Variants in ATP9B observed in about 807,000 individuals in gnomAD.
The protein encoded by ATP9B is probable phospholipid-transporting ATPase IIB.
In ATP9B, 110 loss-of-function variants were observed where a neutral mutation model predicts 146.1. The observed-to-expected ratio is 0.75, with a 90% CI of 0.65 to 0.88. The LOEUF (loss-of-function observed/expected upper bound fraction) is 0.88. Ranked by LOEUF, ATP9B falls within the 40% of genes least tolerant of loss-of-function variation. ATP9B has a pLI of 0.00. For missense variants in ATP9B, 1,499 were observed against 1,496.4 expected, an observed-to-expected ratio of 1.00 and a Z score of -0.03; for synonymous variants, 604 against 569.7, an observed-to-expected ratio of 1.06 and a Z score of -0.86.
intron 5 of ATP9B, among the ~76,000 whole-genome samples, chr18:79,141,248 A>G (rs2094510051): frequency 6.6e-6 from 1 of 152,138 alleles, no homozygotes; most frequent in Non-Finnish European, 1.5e-5. Flanking sequence ...CACCATGTGA[A>G]GAAGGACGTG....
intron 12 of ATP9B, among the ~76,000 whole-genome samples, chr18:79,259,815 G>A (rs1217869067): frequency 1.3e-5 from 2 of 152,130 alleles, no homozygotes; most frequent in Non-Finnish European, 2.9e-5. Flanking sequence ...GTTACTTTTC[G>A]GTTAGGTACC....
In ATP9B at chr18:79,277,213, G is replaced by C; in HGVS notation, c.1411+17G>C. On this transcript the variant is annotated intron_variant, in intron 13 of 29. Coordinates refer to ENST00000426216, the MANE Select transcript of ATP9B (RefSeq NM_198531.5). ...ACAAAACAGGTACTGTTCGTGGTCTGTGTTCACCTTTGAATGGACAAAATG... is the reference window on the plus strand; with the variant it reads ...ACAAAACAGGTACTGTTCGTGGTCTCTGTTCACCTTTGAATGGACAAAATG... 1.2e-6 allele frequency: 2 copies of C among 1,613,864 alleles called. No individual in the cohort carries two copies. Among genetic ancestry groups the C allele is most frequent in the Non-Finnish European group, 1.7e-6 (2 of 1,179,734 alleles).
At chr18:79,247,311 A>G (rs2095977582) in intron 11 of ATP9B, among the ~76,000 whole-genome samples, 2 of 152,246 alleles carry the variant, frequency 1.3e-5, no homozygotes, top group African/African-American at 2.4e-5. Flanking sequence ...TGAGATGTGT[A>G]TATGTGTATA....
At chr18:79,352,077 G>A (rs1222982386) in intron 25 of ATP9B, among the ~76,000 whole-genome samples, 1 of 152,194 alleles carries the variant, frequency 6.6e-6, no homozygotes, top group African/African-American at 2.4e-5. Context: ...CATGTTCCAC[G>A]AAAATGCTTT....
At chr18:79,168,058 T>A (rs887650114) in intron 7 of ATP9B, among the ~76,000 whole-genome samples, 4 of 152,218 alleles carry the variant, frequency 2.6e-5, no homozygotes, top group Non-Finnish European at 4.4e-5. Flanking sequence ...ATGGGGATCC[T>A]GCCAGCTCCA....
At chr18:79,083,439 G>A (rs956825809) in intron 1 of ATP9B, among the ~76,000 whole-genome samples, 2 of 152,130 alleles carry the variant, frequency 1.3e-5, no homozygotes, top group African/African-American at 4.8e-5. Flanking sequence ...GGCATTCCAG[G>A]CGCCACTGGG....
At chr18:79,341,272 G>A (rs1332014714) in intron 19 of ATP9B, among the ~76,000 whole-genome samples, 3 of 141,262 alleles carry the variant, frequency 2.1e-5, no homozygotes, top group Admixed American at 7.2e-5. Flanking sequence ...GCGTGACCTC[G>A]TCGAAGTCTG....
Position 79,196,631 on chromosome 18 carries a change from C to A in ATP9B, c.954+3368C>A, listed in dbSNP as rs189961400. On this transcript the variant is annotated intron_variant, in intron 9 of 29. Coordinates refer to ENST00000426216, the MANE Select transcript of ATP9B (RefSeq NM_198531.5). Reference sequence around the variant, plus strand: ...ATGGTAGTGACCAGAAAATACACACCTCACCAAAAAATAAATTTGGTTTTA... The same window carrying A: ...ATGGTAGTGACCAGAAAATACACACATCACCAAAAAATAAATTTGGTTTTA... Among the ~76,000 whole-genome samples the A allele has an allele frequency of 6.1e-4, 93 of 152,194 alleles. No individual in the cohort carries two copies. The Middle Eastern group carries it at 0.027, about 45-fold the overall frequency.
intron 2 of ATP9B, among the ~76,000 whole-genome samples, chr18:79,104,381 G>A (rs1207963488): frequency 6.6e-6 from 1 of 152,154 alleles, no homozygotes; most frequent in African/African-American, 2.4e-5. Context: ...AGTGTTCATG[G>A]TGGGGACTCT....
intron 12 of ATP9B, among the ~76,000 whole-genome samples, chr18:79,269,392 T>C (rs1402102662): frequency 6.6e-6 from 1 of 152,274 alleles, no homozygotes; most frequent in Non-Finnish European, 1.5e-5. Context: ...AAGGAATTTC[T>C]TAATTTTAAT....
chr18:79,167,869 C>T lies in ATP9B; in HGVS notation c.779-8944C>T, dbSNP rs144586617. The stretch of plus-strand genomic sequence containing the variant: ...TTTGCCCAGGAACTTGTGGGACTCC[C>T]ACCATCAACATGCCATGTATGGTTC... On this transcript the variant is annotated intron_variant, in intron 7 of 29. Transcript: ENST00000426216. Among the ~76,000 whole-genome samples, 221 of 151,984 alleles carry T rather than the reference C, an allele frequency of 1.5e-3. 4 individuals carry two copies. Among genetic ancestry groups the T allele is most frequent in the African/African-American group, 5.0e-3 (208 of 41,378 alleles).
At chr18:79,184,980 C>A (rs527691643) in intron 8 of ATP9B, among the ~76,000 whole-genome samples, 1 of 110,190 alleles carries the variant, frequency 9.1e-6, no homozygotes, top group East Asian at 3.6e-4. Context: ...AAAAATTTGT[C>A]TGAAAAAAAA....
intron 13 of ATP9B, chr18:79,300,094 T>C (rs1453731289): frequency 6.6e-6 from 1 of 152,384 alleles, no homozygotes; most frequent in Non-Finnish European, 1.5e-5. Context: ...GGTTAAAGAA[T>C]GTTGGAGCTG....
At chr18:79,119,624 C>A (rs2094153756) in intron 4 of ATP9B, among the ~76,000 whole-genome samples, 1 of 152,192 alleles carries the variant, frequency 6.6e-6, no homozygotes, top group Admixed American at 6.5e-5. Context: ...TTGAATAATG[C>A]TTGACGTTGC....
intron 8 of ATP9B, among the ~76,000 whole-genome samples, chr18:79,188,469 A>G (rs2095329862): frequency 6.6e-6 from 1 of 152,180 alleles, no homozygotes; most frequent in Non-Finnish European, 1.5e-5. Flanking sequence ...CAGTGCTTTC[A>G]GACTTTTCCA....
chr18:79,127,463 A>G (rs150507090), intron 5 of ATP9B, among the ~76,000 whole-genome samples: 1 of 152,204 alleles, frequency 6.6e-6, no homozygotes, highest in African/African-American at 2.4e-5. Flanking sequence ...GAATTATGCA[A>G]TGTGTGGTCC....
In ATP9B at chr18:79,330,766, G is replaced by A. The variant is rs891650369; in HGVS notation, c.2028+662G>A. On this transcript the variant is annotated intron_variant, in intron 17 of 29. Coordinates refer to ENST00000426216, the MANE Select transcript of ATP9B (RefSeq NM_198531.5). Reference sequence around the variant, plus strand: ...TCATTTTTGTTTTGTGTGTGAGTGCGTGTCAATCTATACAAGTAGGTCCTT... The same window carrying A: ...TCATTTTTGTTTTGTGTGTGAGTGCATGTCAATCTATACAAGTAGGTCCTT... Among the ~76,000 whole-genome samples the A allele has an allele frequency of 5.3e-5, 8 of 152,260 alleles. 1 individual carries two copies. Among genetic ancestry groups the A allele is most frequent in the South Asian group, 4.1e-4 (2 of 4,822 alleles).
intron 1 of ATP9B, among the ~76,000 whole-genome samples, chr18:79,070,384 G>C (rs1184058461): frequency 6.6e-6 from 1 of 152,188 alleles, no homozygotes; most frequent in African/African-American, 2.4e-5. Flanking sequence ...GCTGATTTGA[G>C]TGTTTACCCA....
At chr18:79,344,680 C>T (rs910000331) in intron 21 of ATP9B, among the ~76,000 whole-genome samples, 2 of 152,210 alleles carry the variant, frequency 1.3e-5, no homozygotes, top group African/African-American at 2.4e-5. Context: ...TGGATCACAG[C>T]GATTGTTACT....
Sources: gnomAD v4.1 joint callset for allele counts (sites outside exome capture counted in the v4.1 genomes callset) on GRCh38, gnomAD v4.1.1 for gene constraint, MANE v1.5 for transcripts, NCBI Gene and HGNC (gene_info 2026-07-23, HGNC 2026-07-21) for gene names.